The following NIPBL variants were observed in gnomAD, a reference collection of about 807,000 sequenced individuals.
NIPBL encodes NIPBL cohesin loading factor, also known as nipped-B-like protein.
NIPBL carries 19 observed loss-of-function variants against 321.8 expected under a neutral mutation model. The observed-to-expected ratio is 0.06, with a 90% confidence interval of 0.04 to 0.09. NIPBL has a LOEUF of 0.09. NIPBL is among the 10% of genes least tolerant of loss of function. NIPBL has a pLI of 1.00. For missense variants in NIPBL, 2,210 were observed against 3,327.0 expected (o/e 0.66, Z 8.26); for synonymous variants, 1,106 against 1,114.1 (o/e 0.99, Z 0.14).
intron 38 of NIPBL, 100 bp from the exon 39 acceptor site, chr5:37,048,402 T>G (rs1753183889): frequency 1.4e-6 from 1 of 691,574 alleles, no homozygotes; most frequent in Admixed American, 3.9e-5. Flanking sequence ...TTTAATTTTT[T>G]GAAATAAGGA....
chr5:36,998,261 C>T (rs1047991790), intron 11 of NIPBL, among the ~76,000 whole-genome samples: 5 of 151,902 alleles, frequency 3.3e-5, no homozygotes, highest in African/African-American at 1.2e-4. Flanking sequence ...CTCATTATAA[C>T]ACAATGTGTT....
At chr5:36,971,472 CTT>C (rs760090861) in intron 7 of NIPBL, among the ~76,000 whole-genome samples, 6 of 151,618 alleles carry the variant, frequency 4.0e-5, no homozygotes, top group South Asian at 2.1e-4. Flanking sequence ...GTACTTGACT[CTT>C]TTTCCCTCTG....
At chr5:36,979,065 A>C (rs1247442611) in intron 9 of NIPBL, among the ~76,000 whole-genome samples, 1 of 151,920 alleles carries the variant, frequency 6.6e-6, no homozygotes, top group Non-Finnish European at 1.5e-5. Flanking sequence ...TGCTTTGGCT[A>C]TTCAGGTTCT....
At chr5:36,918,783 CAT>C (rs1310485486) in intron 1 of NIPBL, among the ~76,000 whole-genome samples, 2 of 152,132 alleles carry the variant, frequency 1.3e-5, no homozygotes, top group African/African-American at 2.4e-5. Flanking sequence ...CTGAGATAAT[CAT>C]GTGGTTTTTG....
chr5:37,040,220 T>C (rs1752179122), intron 34 of NIPBL, among the ~76,000 whole-genome samples: 1 of 152,182 alleles, frequency 6.6e-6, no homozygotes, highest in Non-Finnish European at 1.5e-5. Context: ...AAAATCACTT[T>C]TAAAATGTCT....
rs1296943480 is a variant in NIPBL at position 36,975,625 on chromosome 5, TC to T, written c.869-150del. On this transcript the variant is annotated intron_variant, in intron 8 of 46. Transcript: ENST00000282516. ...CTGTGTGGGACAAGTTTTTAAGCTT[TC>T]TTTTCATCTTTCGTAAATAAGTAGC... The T allele has an allele frequency of 3.9e-6, 3 of 776,544 alleles. No homozygotes were observed. In the East Asian group the frequency reaches 8.4e-5, roughly 22 times the overall value. 48.1% of individuals were successfully genotyped at this position (776,544 alleles called of 1,614,324 possible).
chr5:37,036,055 T>C (rs547103963), intron 32 of NIPBL, among the ~76,000 whole-genome samples: 1 of 152,136 alleles, frequency 6.6e-6, no homozygotes, highest in East Asian at 1.9e-4. Flanking sequence ...TTGATTGGAA[T>C]AGGGAGAAAG....
intron 1 of NIPBL, among the ~76,000 whole-genome samples, chr5:36,917,184 G>T (rs1458822467): frequency 1.3e-5 from 2 of 151,828 alleles, no homozygotes. Context: ...CTTTTTAGTG[G>T]ATCGCCATTC....
intron 1 of NIPBL, chr5:36,885,153 T>C: frequency 2.1e-6 from 1 of 471,954 alleles, no homozygotes. Flanking sequence ...AAAAATGCTA[T>C]TCAGGGTCAG....
rs1198253822 is a variant in NIPBL, at chr5:36,952,051, TGTGCGCGCGCGCGC to T, written c.-79-1565_-79-1552del. ...GTGTGTGTGTGTGTGTGTGTGTGTG[TGTGCGCGCGCGCGC>T]GCGCGCGCATGTGTGTGTGTAGCAG... On this transcript the variant is annotated intron_variant, in intron 1 of 46. Coordinates refer to ENST00000282516, the MANE Select transcript of NIPBL (RefSeq NM_133433.4). 8.8e-5 allele frequency among the ~76,000 whole-genome samples: 9 copies of T among 102,802 alleles called. No individual in the cohort carries two copies. In the East Asian group the frequency reaches 1.7e-3, roughly 19 times the overall value. The allele number at this position is 102,802 out of a possible 152,430, so 67.4% of individuals were successfully genotyped here. A position where few individuals can be genotyped will look rare whatever the true frequency, so the allele number is the denominator to read the frequency against.
intron 1 of NIPBL, among the ~76,000 whole-genome samples, chr5:36,943,897 G>A (rs1220179901): frequency 1.3e-5 from 2 of 152,106 alleles, no homozygotes; most frequent in Non-Finnish European, 2.9e-5. Context: ...AATCATATGA[G>A]GTGAGAGGCT....
intron 9 of NIPBL, among the ~76,000 whole-genome samples, chr5:36,981,296 A>C (rs950313826): frequency 1.6e-4 from 24 of 151,720 alleles, no homozygotes; most frequent in African/African-American, 5.3e-4. Context: ...TAAGATTAGA[A>C]AGTTCAACAA....
chr5:36,971,130 G>A (rs542002950), intron 7 of NIPBL, 94 bp downstream of exon 7: 104 of 958,586 alleles, frequency 1.1e-4, no homozygotes, highest in South Asian at 6.2e-4. Context: ...GATACCTACC[G>A]TATATCATTA....
At chr5:36,940,867 AG>A (rs1738988637) in intron 1 of NIPBL, among the ~76,000 whole-genome samples, 1 of 152,236 alleles carries the variant, frequency 6.6e-6, no homozygotes, top group African/African-American at 2.4e-5. Flanking sequence ...GCACTATGTT[AG>A]TATCATCAAA....
chr5:36,906,244 A>G (rs1747627292), intron 1 of NIPBL, among the ~76,000 whole-genome samples: 1 of 152,220 alleles, frequency 6.6e-6, no homozygotes, highest in South Asian at 2.1e-4. Context: ...TATGTAGTAT[A>G]TAACATGTAA....
At chr5:36,953,073 G>A (rs1283103484) in intron 1 of NIPBL, among the ~76,000 whole-genome samples, 1 of 152,168 alleles carries the variant, frequency 6.6e-6, no homozygotes, top group African/African-American at 2.4e-5. Flanking sequence ...TTAAGGAAAT[G>A]TATAAAGATG....
chr5:37,019,340 A>G lies in NIPBL; in HGVS notation c.4950A>G (p.Gln1650=). The change falls in exon 25 of 47, where the codon CAA becomes CAG. Residue 1650 remains glutamine, a synonymous_variant. Transcript: ENST00000282516. ...QVSGGEDEIQ[Q]LQKALLDYLD... ...CAGGAGGGGAAGATGAAATCCAACAATTACAAAAAGCATTGCTTGATTACT... is the reference window on the plus strand; with the variant it reads ...CAGGAGGGGAAGATGAAATCCAACAGTTACAAAAAGCATTGCTTGATTACT... 1 of 1,613,072 alleles carries G rather than the reference A, an allele frequency of 6.2e-7. No individual in the cohort carries two copies. The highest frequency in any genetic ancestry group is 1.1e-5 in the South Asian group (1 of 91,046).
rs1469214871 is a variant in NIPBL at position 36,916,639 on chromosome 5, A to G, written c.-79-36979A>G. Among the ~76,000 whole-genome samples the G allele has an allele frequency of 7.2e-5, 11 of 151,960 alleles. No individual in the cohort carries two copies. The East Asian group carries it at 2.1e-3, about 29-fold the overall frequency. ...TACATTAGGTATATCTCCTAATGCT[A>G]TCCCTCCCCACTCCCCCCACCCCAC... is the stretch of plus-strand genomic sequence containing the variant. On this transcript the variant is annotated intron_variant, in intron 1 of 46. Coordinates refer to ENST00000282516, the MANE Select transcript of NIPBL (RefSeq NM_133433.4).
intron 1 of NIPBL, among the ~76,000 whole-genome samples, chr5:36,939,298 G>A (rs1738805385): frequency 6.6e-6 from 1 of 152,178 alleles, no homozygotes; most frequent in Admixed American, 6.6e-5. Flanking sequence ...ACTGCGTCTG[G>A]CCCACTTGGG....
Sources: allele counts gnomAD v4.1 joint callset (sites outside exome capture counted in the v4.1 genomes callset), GRCh38; gene constraint gnomAD v4.1.1; transcripts MANE v1.5; gene names NCBI Gene and HGNC (gene_info 2026-07-23, HGNC 2026-07-21).